Variants in SCHIP1 observed in about 807,000 individuals in gnomAD.
The protein encoded by SCHIP1 is schwannomin interacting protein 1.
In SCHIP1, 8 loss-of-function variants were observed where a neutral mutation model predicts 29.7. That is an observed-to-expected ratio of 0.27 (90% CI 0.16 to 0.49). The LOEUF is 0.49. Ranked by LOEUF, SCHIP1 falls within the 20% of genes least tolerant of loss-of-function variation. SCHIP1 has a pLI of 0.99. For missense variants in SCHIP1, 193 were observed against 294.6 expected (o/e 0.66, Z 2.52); for synonymous variants, 76 against 94.9 (o/e 0.80, Z 1.16).
At chr3:159,781,833 C>A in the SCHIP1 span, among the ~76,000 whole-genome samples, 1 of 152,190 alleles carries the variant, frequency 6.6e-6, no homozygotes, top group Non-Finnish European at 1.5e-5. Flanking sequence ...GACAGGGCTT[C>A]TCTGTGGCAC....
At chr3:159,372,153 A>T in the SCHIP1 span, among the ~76,000 whole-genome samples, 1 of 152,170 alleles carries the variant, frequency 6.6e-6, no homozygotes, top group Non-Finnish European at 1.5e-5. Context: ...TCTGTTTTTC[A>T]GTAATTAAAA....
the SCHIP1 span, among the ~76,000 whole-genome samples, chr3:159,429,686 A>C: frequency 6.6e-6 from 1 of 152,200 alleles, no homozygotes; most frequent in East Asian, 1.9e-4. Context: ...CTCATTTGCA[A>C]AAAGATAAAC....
At chr3:159,495,024 G>T in the SCHIP1 span, among the ~76,000 whole-genome samples, 3 of 152,184 alleles carry the variant, frequency 2.0e-5, no homozygotes, top group African/African-American at 7.2e-5. Flanking sequence ...TATCTCAATA[G>T]ATGCAGAAAA....
the SCHIP1 span, among the ~76,000 whole-genome samples, chr3:159,451,987 A>G: frequency 6.6e-6 from 1 of 152,100 alleles, no homozygotes; most frequent in Non-Finnish European, 1.5e-5. Flanking sequence ...TTCTAATCTT[A>G]ATATGAAGAT....
chr3:159,298,187 C>T, the SCHIP1 span, among the ~76,000 whole-genome samples: 1 of 152,192 alleles, frequency 6.6e-6, no homozygotes, highest in African/African-American at 2.4e-5. Flanking sequence ...ATAATTAATG[C>T]TATTGGCAGT....
chr3:159,833,136 C>T, the SCHIP1 span, among the ~76,000 whole-genome samples: 2 of 152,170 alleles, frequency 1.3e-5, no homozygotes, highest in East Asian at 3.9e-4. Context: ...TCTGCTATAA[C>T]AAAGTCTTCC....
the SCHIP1 span, among the ~76,000 whole-genome samples, chr3:159,783,452 A>G: frequency 6.6e-6 from 1 of 152,248 alleles, no homozygotes; most frequent in Non-Finnish European, 1.5e-5. Context: ...CTTACCTCAC[A>G]AACACATCCC....
chr3:159,646,499 A>G, the SCHIP1 span, among the ~76,000 whole-genome samples: 1 of 152,114 alleles, frequency 6.6e-6, no homozygotes, highest in South Asian at 2.1e-4. Flanking sequence ...TCTCCTTTAC[A>G]GGAATCAACT....
the SCHIP1 span, among the ~76,000 whole-genome samples, chr3:159,317,137 G>A: frequency 2.0e-5 from 3 of 152,146 alleles, no homozygotes; most frequent in Non-Finnish European, 2.9e-5. Flanking sequence ...ACTCAGAGAC[G>A]CCCTAATGGA....
the SCHIP1 span, among the ~76,000 whole-genome samples, chr3:159,626,149 T>G: frequency 2.1e-4 from 23 of 107,902 alleles, 1 homozygote; most frequent in Non-Finnish European, 3.1e-4. Context: ...TATATCTAGA[T>G]ATATATATAT....
the SCHIP1 span, among the ~76,000 whole-genome samples, chr3:159,817,320 G>A: frequency 2.6e-5 from 4 of 152,078 alleles, no homozygotes; most frequent in Non-Finnish European, 4.4e-5. Flanking sequence ...GGCGGGCTGC[G>A]GGTGGCGGGG....
At chr3:159,733,024 A>C in the SCHIP1 span, among the ~76,000 whole-genome samples, 4 of 152,146 alleles carry the variant, frequency 2.6e-5, no homozygotes, top group African/African-American at 7.2e-5. Context: ...ATAAATAAAC[A>C]AGACTATGAT....
chr3:159,529,607 A>G, the SCHIP1 span, among the ~76,000 whole-genome samples: 1 of 152,224 alleles, frequency 6.6e-6, no homozygotes, highest in East Asian at 1.9e-4. Context: ...ATGTCTTTGT[A>G]TTGGGAACAT....
At chr3:159,708,148 G>C in the SCHIP1 span, among the ~76,000 whole-genome samples, 1 of 152,196 alleles carries the variant, frequency 6.6e-6, no homozygotes, top group Admixed American at 6.5e-5. Context: ...AACACAAAAA[G>C]GCTGGGTCCA....
the SCHIP1 span, among the ~76,000 whole-genome samples, chr3:159,718,460 C>T: frequency 6.6e-6 from 1 of 152,202 alleles, no homozygotes; most frequent in African/African-American, 2.4e-5. Flanking sequence ...TTGCAGATGA[C>T]ATGATTGTAT....
the SCHIP1 span, among the ~76,000 whole-genome samples, chr3:159,592,628 T>G: frequency 6.6e-6 from 1 of 152,044 alleles, no homozygotes; most frequent in East Asian, 1.9e-4. Context: ...CCTTCACATC[T>G]TGCAGTACCC....
chr3:159,375,629 C>A, the SCHIP1 span: 8 of 168,220 alleles, frequency 4.8e-5, no homozygotes, highest in Admixed American at 3.3e-4. Context: ...CCCAGCTACT[C>A]AGGAGGCTGA....
chr3:159,402,400 A>C, the SCHIP1 span, among the ~76,000 whole-genome samples: 1 of 152,216 alleles, frequency 6.6e-6, no homozygotes, highest in Non-Finnish European at 1.5e-5. Flanking sequence ...AGAACTAGAA[A>C]TATCATTTGA....
chr3:159,565,104 A>G, the SCHIP1 span, among the ~76,000 whole-genome samples: 1 of 152,194 alleles, frequency 6.6e-6, no homozygotes, highest in Admixed American at 6.5e-5. Context: ...ATGGTCAATC[A>G]TATGGCAGTC....
Sources: allele counts gnomAD v4.1 joint callset (sites outside exome capture counted in the v4.1 genomes callset), GRCh38; gene constraint gnomAD v4.1.1; transcripts MANE v1.5; gene names NCBI Gene and HGNC (gene_info 2026-07-23, HGNC 2026-07-21).